Variants in NAALADL2 observed in about 807,000 individuals in gnomAD.
NAALADL2 encodes N-acetylated alpha-linked acidic dipeptidase like 2.
NAALADL2 carries 76 observed loss-of-function variants against 87.2 expected under a neutral mutation model. The observed-to-expected ratio is 0.87, with a 90% CI of 0.72 to 1.05. NAALADL2 has a LOEUF of 1.05. NAALADL2 is among the 50% of genes least tolerant of loss of function. The pLI is 0.00. For synonymous variants in NAALADL2, 354 were observed against 331.0 expected (o/e 1.07, Z -0.75); for missense variants, 1,089 against 945.8 (o/e 1.15, Z -1.99).
At chr3:175,647,466 C>T (rs1560909976) in intron 11 of NAALADL2, among the ~76,000 whole-genome samples, 3 of 152,204 alleles carry the variant, frequency 2.0e-5, no homozygotes, top group South Asian at 2.1e-4. Context: ...ATAACTGCTG[C>T]ATTCAGATTA....
rs569029128 is a variant in NAALADL2 at position 175,485,395 on chromosome 3, G to A, written c.1653+13637G>A. ...TTTATTAAGGAGAATTCACTCACACGATCACAAGGTATTAGTCCCACAATA... is the reference window on the plus strand; with the variant it reads ...TTTATTAAGGAGAATTCACTCACACAATCACAAGGTATTAGTCCCACAATA... On this transcript the variant is annotated intron_variant, in intron 9 of 13. Coordinates refer to ENST00000454872, the MANE Select transcript of NAALADL2 (RefSeq NM_207015.3). Among the ~76,000 whole-genome samples the A allele has an allele frequency of 5.2e-4, 79 of 152,190 alleles. 1 individual carries two copies. The highest frequency in any genetic ancestry group is 1.5e-3 in the African/African-American group (64 of 41,540).
chr3:175,152,191 A>G (rs1731645837), intron 2 of NAALADL2, among the ~76,000 whole-genome samples: 1 of 152,204 alleles, frequency 6.6e-6, no homozygotes, highest in Non-Finnish European at 1.5e-5. Flanking sequence ...CAATAATGTA[A>G]TAAAGAGATC....
At chr3:175,255,725 T>C (rs1477715952) in intron 3 of NAALADL2, among the ~76,000 whole-genome samples, 1 of 152,164 alleles carries the variant, frequency 6.6e-6, no homozygotes, top group Admixed American at 6.5e-5. Context: ...ATTTTTTCTT[T>C]TTTGCATTAA....
intron 1 of NAALADL2, among the ~76,000 whole-genome samples, chr3:174,479,011 A>G (rs2108325520): frequency 6.6e-6 from 1 of 152,292 alleles, no homozygotes. Flanking sequence ...GCCCAGCCTC[A>G]AATTCTTTAT....
chr3:175,032,315 C>A (rs1166620464), intron 1 of NAALADL2, among the ~76,000 whole-genome samples: 1 of 151,934 alleles, frequency 6.6e-6, no homozygotes, highest in Admixed American at 6.6e-5. Flanking sequence ...TTAATATTCT[C>A]AAAAAATTAG....
At chr3:175,158,846 A>T (rs1278805812) in intron 2 of NAALADL2, among the ~76,000 whole-genome samples, 2 of 152,142 alleles carry the variant, frequency 1.3e-5, no homozygotes, top group African/African-American at 4.8e-5. Context: ...TCCTAATTTG[A>T]TAATGAATAT....
intron 4 of NAALADL2, among the ~76,000 whole-genome samples, chr3:175,281,132 A>G (rs1754254779): frequency 6.6e-6 from 1 of 150,768 alleles, no homozygotes. Flanking sequence ...ATATATATAT[A>G]TAAATGGATT....
intron 9 of NAALADL2, among the ~76,000 whole-genome samples, chr3:175,515,046 G>A (rs998311110): frequency 7.9e-5 from 12 of 152,154 alleles, no homozygotes; most frequent in African/African-American, 2.2e-4. Flanking sequence ...CTGTGGAGGC[G>A]TCTCTGTTTA....
intron 1 of NAALADL2, among the ~76,000 whole-genome samples, chr3:174,986,107 T>A (rs1327829196): frequency 6.6e-6 from 1 of 151,782 alleles, no homozygotes; most frequent in African/African-American, 2.4e-5. Flanking sequence ...ATGTTTGAAA[T>A]CTTAGCAGGT....
At chr3:175,028,429 T>G (rs1482342266) in intron 1 of NAALADL2, among the ~76,000 whole-genome samples, 2 of 152,114 alleles carry the variant, frequency 1.3e-5, no homozygotes, top group African/African-American at 2.4e-5. Context: ...ATTCCCGGTA[T>G]GTCCTTAGCA....
chr3:175,168,691 T>C (rs1289991478), intron 2 of NAALADL2, among the ~76,000 whole-genome samples: 1 of 151,794 alleles, frequency 6.6e-6, no homozygotes, highest in African/African-American at 2.4e-5. Flanking sequence ...TATTTTTCTG[T>C]TTGTTCTAAT....
chr3:175,322,888 TG>T (rs1216279683), intron 4 of NAALADL2, among the ~76,000 whole-genome samples: 9 of 151,102 alleles, frequency 6.0e-5, no homozygotes, highest in Non-Finnish European at 1.0e-4. Flanking sequence ...ACAGTGTTGG[TG>T]GGACTGTAAA....
intron 3 of NAALADL2, among the ~76,000 whole-genome samples, chr3:175,238,338 T>G (rs1746266139): frequency 6.6e-6 from 1 of 152,098 alleles, no homozygotes; most frequent in East Asian, 1.9e-4. Context: ...TAAAGTTAAC[T>G]GTAGATGTAG....
intron 3 of NAALADL2, among the ~76,000 whole-genome samples, chr3:174,848,835 A>G (rs547472718): frequency 8.7e-4 from 133 of 152,334 alleles, no homozygotes; most frequent in African/African-American, 2.9e-3. Flanking sequence ...GTATAAAAAT[A>G]TAGAGGTTAT....
chr3:175,714,531 T>G (rs573595057), intron 11 of NAALADL2, among the ~76,000 whole-genome samples: 2 of 152,212 alleles, frequency 1.3e-5, no homozygotes, highest in Non-Finnish European at 2.9e-5. Flanking sequence ...ATGTCTTCTT[T>G]TGAGAAGTGT....
chr3:175,428,653 A>G (rs1011608836), intron 5 of NAALADL2, among the ~76,000 whole-genome samples: 12 of 151,716 alleles, frequency 7.9e-5, no homozygotes, highest in African/African-American at 2.4e-4. Flanking sequence ...AATTCTTTCC[A>G]TTTTTTTCTA....
intron 2 of NAALADL2, among the ~76,000 whole-genome samples, chr3:174,596,450 T>C (rs1489199502): frequency 6.6e-6 from 1 of 152,222 alleles, no homozygotes; most frequent in Non-Finnish European, 1.5e-5. Flanking sequence ...GCTATTTCAG[T>C]GGTTCTCAAA....
intron 2 of NAALADL2, among the ~76,000 whole-genome samples, chr3:175,174,527 TAAA>T (rs1402131172): frequency 6.6e-6 from 1 of 151,882 alleles, no homozygotes; most frequent in Admixed American, 6.6e-5. Flanking sequence ...ATAAAAGAAA[TAAA>T]AAGAAATTTT....
chr3:175,365,200 G>T lies in NAALADL2; in HGVS notation c.1090+40875G>T, dbSNP rs903563061. On this transcript the variant is annotated intron_variant, in intron 5 of 13. Transcript: ENST00000454872. ...ATTATACTGTAAACATTTTCAATAA[G>T]TCTCTAAATTTTAGTCTAGAGCATA... Among the ~76,000 whole-genome samples the T allele has an allele frequency of 7.5e-5, 11 of 147,292 alleles. No homozygotes were observed. In the East Asian group the frequency reaches 1.8e-3, roughly 24 times the overall value.
Sources: gnomAD v4.1 joint callset for allele counts (sites outside exome capture counted in the v4.1 genomes callset) on GRCh38, gnomAD v4.1.1 for gene constraint, MANE v1.5 for transcripts, NCBI Gene and HGNC (gene_info 2026-07-23, HGNC 2026-07-21) for gene names.